The following FSHR variants were observed in gnomAD, a reference collection of about 807,000 sequenced individuals.
FSHR encodes follicle stimulating hormone receptor.
A neutral mutation model predicts 52.1 loss-of-function variants in FSHR; 46 were observed. The ratio of observed to expected loss-of-function variants is 0.88; its 90% confidence interval spans 0.70 to 1.13. FSHR has a LOEUF of 1.13. FSHR is among the 50% of genes most tolerant of loss of function. The probability of loss-of-function intolerance (pLI) is 0.00; values close to 1 mark genes in which losing one functional copy is unlikely to be tolerated. For missense variants in FSHR, 964 were observed against 834.6 expected (o/e 1.16, Z -1.91); for synonymous variants, 399 against 309.6 (o/e 1.29, Z -3.03).
At position 49,034,710 on chromosome 2, in the gene FSHR, T is replaced by A. The variant is rs144454277; in HGVS notation, c.225-14550A>T. On this transcript the variant is annotated intron_variant, in intron 2 of 9. Coordinates refer to ENST00000406846, the MANE Select transcript of FSHR (RefSeq NM_000145.4). ...TTATTACAGTTTTCTTTGACGATAC[T>A]GCGATTCCCTGCCCCATTCTGTATT... Among the ~76,000 whole-genome samples the A allele has an allele frequency of 3.4e-3, 514 of 152,338 alleles. 1 individual carries two copies. Among genetic ancestry groups the A allele is most frequent in the Middle Eastern group, 0.01 (3 of 294 alleles).
intron 2 of FSHR, among the ~76,000 whole-genome samples, chr2:49,040,253 A>G (rs1668433066): frequency 6.6e-6 from 1 of 152,204 alleles, no homozygotes; most frequent in African/African-American, 2.4e-5. Flanking sequence ...CCATGGAGAT[A>G]TTGTGAGATG....
rs946116596 is a variant in FSHR at position 48,990,641 on chromosome 2, G to C, written c.375-4C>G. Reference sequence around the variant, plus strand: ...AATACCTGTGTTGGATATTAACCTAGAGAGAAACAAAATGAGAGTGAGTGA... The same window carrying C: ...AATACCTGTGTTGGATATTAACCTACAGAGAAACAAAATGAGAGTGAGTGA... On this transcript the variant is annotated splice_polypyrimidine_tract_variant and splice_region_variant and intron_variant, in intron 4 of 9. Transcript: ENST00000406846. The C allele has an allele frequency of 6.3e-7, 1 of 1,581,634 alleles. No individual in the cohort carries two copies. The highest frequency in any genetic ancestry group is 1.7e-5 in the Admixed American group (1 of 59,998).
intron 4 of FSHR, among the ~76,000 whole-genome samples, chr2:49,016,808 A>G (rs1373489676): frequency 2.6e-5 from 4 of 152,198 alleles, no homozygotes; most frequent in Non-Finnish European, 4.4e-5. Context: ...TGATGAAACA[A>G]TATGCGAGGT....
intron 5 of FSHR, 42 bp downstream of exon 5, chr2:48,990,524 T>C (rs775079724): frequency 3.2e-6 from 4 of 1,263,774 alleles, no homozygotes; most frequent in Non-Finnish European, 3.5e-6. Flanking sequence ...GCAAGACAGA[T>C]ACTGAGTAAA....
At chr2:49,077,420 G>T (rs1669989167) in intron 1 of FSHR, among the ~76,000 whole-genome samples, 1 of 152,184 alleles carries the variant, frequency 6.6e-6, no homozygotes, top group Non-Finnish European at 1.5e-5. Flanking sequence ...TGGGGACCTT[G>T]TTCCTGGCCC....
At chr2:48,990,710 C>G in intron 4 of FSHR, 73 bp from the exon 5 acceptor site, 1 of 925,026 alleles carries the variant, frequency 1.1e-6, no homozygotes, top group Non-Finnish European at 1.8e-6. Context: ...CATGAACTTT[C>G]CAGAATAAAA....
intron 1 of FSHR, among the ~76,000 whole-genome samples, chr2:49,109,283 G>A (rs1671343146): frequency 1.3e-5 from 2 of 152,094 alleles, no homozygotes. Context: ...GGGGACAGAG[G>A]AAAGAGACAC....
At chr2:48,971,302 AG>A (rs1331885674) in intron 8 of FSHR, among the ~76,000 whole-genome samples, 1 of 152,184 alleles carries the variant, frequency 6.6e-6, no homozygotes, top group Non-Finnish European at 1.5e-5. Context: ...ACTGGAGAAT[AG>A]GTAAAAGTGC....
intron 8 of FSHR, among the ~76,000 whole-genome samples, chr2:48,976,347 T>C (rs1289165811): frequency 1.3e-5 from 2 of 152,186 alleles, no homozygotes; most frequent in Admixed American, 6.5e-5. Flanking sequence ...GACTTGATCG[T>C]GGTGGATAAG....
intron 8 of FSHR, among the ~76,000 whole-genome samples, chr2:48,971,503 A>G (rs1317889721): frequency 1.3e-5 from 2 of 152,198 alleles, no homozygotes; most frequent in African/African-American, 2.4e-5. Flanking sequence ...TCTCTGGACT[A>G]CTGATCCCCT....
intron 8 of FSHR, among the ~76,000 whole-genome samples, chr2:48,981,438 T>A (rs926615982): frequency 2.0e-5 from 3 of 152,200 alleles, no homozygotes; most frequent in African/African-American, 7.2e-5. Flanking sequence ...AAATAGGTAT[T>A]GTTTTGGCCA....
chr2:49,000,329 A>C (rs1463187414), intron 4 of FSHR, among the ~76,000 whole-genome samples: 1 of 152,204 alleles, frequency 6.6e-6, no homozygotes, highest in African/African-American at 2.4e-5. Flanking sequence ...AACTAAGTCA[A>C]AAGGGAAGTA....
intron 1 of FSHR, among the ~76,000 whole-genome samples, chr2:49,148,264 C>G (rs2103855448): frequency 6.6e-6 from 1 of 152,048 alleles, no homozygotes; most frequent in Non-Finnish European, 1.5e-5. Flanking sequence ...TAGTCAACGT[C>G]TCTTTCTTTC....
At chr2:49,000,787 C>T (rs570701150) in intron 4 of FSHR, among the ~76,000 whole-genome samples, 9 of 152,038 alleles carry the variant, frequency 5.9e-5, no homozygotes, top group Non-Finnish European at 1.2e-4. Flanking sequence ...CATAGCTGCT[C>T]CCTCTAGCTT....
chr2:49,051,345 A>T (rs1444962535), intron 2 of FSHR, among the ~76,000 whole-genome samples: 1 of 152,176 alleles, frequency 6.6e-6, no homozygotes, highest in African/African-American at 2.4e-5. Context: ...CCTCACCAGT[A>T]ACCTACTATT....
chr2:49,123,076 T>C (rs1671873926), intron 1 of FSHR, among the ~76,000 whole-genome samples: 1 of 152,138 alleles, frequency 6.6e-6, no homozygotes, highest in Non-Finnish European at 1.5e-5. Context: ...ATGAGAAACA[T>C]CCAAGGCATA....
intron 1 of FSHR, among the ~76,000 whole-genome samples, chr2:49,072,696 CAATTATAAGGT>C (rs1669781541): frequency 6.6e-6 from 1 of 152,070 alleles, no homozygotes; most frequent in Non-Finnish European, 1.5e-5. Context: ...TGCAATTTTG[CAATTATAAGGT>C]TAAGTTTCTC....
At chr2:48,990,940 A>G (rs1675745513) in intron 4 of FSHR, among the ~76,000 whole-genome samples, 1 of 151,978 alleles carries the variant, frequency 6.6e-6, no homozygotes, top group Non-Finnish European at 1.5e-5. Flanking sequence ...GCAACTTCCA[A>G]CTAGTAACAA....
chr2:49,031,149 A>G (rs760072155), intron 2 of FSHR, among the ~76,000 whole-genome samples: 1 of 152,148 alleles, frequency 6.6e-6, no homozygotes, highest in Non-Finnish European at 1.5e-5. Context: ...GTAGCAACAC[A>G]AACAGTGGAA....
Sources: gnomAD v4.1 joint callset for allele counts (sites outside exome capture counted in the v4.1 genomes callset) on GRCh38, gnomAD v4.1.1 for gene constraint, MANE v1.5 for transcripts, NCBI Gene and HGNC (gene_info 2026-07-23, HGNC 2026-07-21) for gene names.